The following FBP2 variants were observed in gnomAD, a reference collection of about 807,000 sequenced individuals.
FBP2 encodes fructose-bisphosphatase 2.
Under a neutral mutation model 31.6 loss-of-function variants are expected in FBP2, and 27 were observed. That is an observed-to-expected ratio of 0.85 (90% confidence interval 0.63 to 1.18). The LOEUF is 1.18. Ranked by LOEUF, FBP2 falls within the 50% of genes most tolerant of loss-of-function variation. The pLI, the probability that FBP2 is intolerant of heterozygous loss-of-function variation, is 0.00. For synonymous variants in FBP2, 168 were observed against 179.8 expected (o/e 0.93, Z 0.53); for missense variants, 421 against 436.1 (o/e 0.97, Z 0.31).
chr9:94,574,384 T>C (rs1827297521), intron 3 of FBP2, among the ~76,000 whole-genome samples: 1 of 152,172 alleles, frequency 6.6e-6, no homozygotes, highest in South Asian at 2.1e-4. Flanking sequence ...TGACATCTCT[T>C]TTGTTTTAAC....
chr9:94,587,888 G>T (rs111741744), intron 1 of FBP2, among the ~76,000 whole-genome samples: 1 of 151,422 alleles, frequency 6.6e-6, no homozygotes, highest in Non-Finnish European at 1.5e-5. Context: ...TTGCTCTGTC[G>T]CCCAGGCTGG....
rs1370887107 is a variant in FBP2 at position 94,584,676 on chromosome 9, C to G, written c.334-7G>C. On this transcript the variant is annotated splice_region_variant and splice_polypyrimidine_tract_variant and intron_variant, in intron 2 of 6. Transcript: ENST00000375337. ...AGCAGACCACGTATTTCCCCTAAAT[C>G]AGAGAGGAAAGCACCAACTGATCAG... 15 of 1,585,832 alleles carry G rather than the reference C, an allele frequency of 9.5e-6. No homozygotes were observed. Among genetic ancestry groups the G allele is most frequent in the Non-Finnish European group, 1.3e-5 (15 of 1,154,330 alleles).
chr9:94,564,043 C>G (rs1354002789), intron 5 of FBP2, among the ~76,000 whole-genome samples: 2 of 152,170 alleles, frequency 1.3e-5, no homozygotes, highest in Non-Finnish European at 2.9e-5. Flanking sequence ...ATAATAGTGG[C>G]AGACTTCAAC....
chr9:94,590,624 C>T (rs998958244), intron 1 of FBP2, among the ~76,000 whole-genome samples: 1 of 152,168 alleles, frequency 6.6e-6, no homozygotes, highest in African/African-American at 2.4e-5. Flanking sequence ...AGCTGCAGAT[C>T]TTCGCGGTGA....
chr9:94,563,444 A>T lies in FBP2; in HGVS notation c.723T>A (p.Tyr241Ter). ...KKFPEDGSAP[Y>*]GARYVGSMVA... ...CCATGGAGCCCACATACCTGGCCCC[A>T]TAGGGAGCACTGCCATCCTAGAAGA... The change falls in exon 6 of 7, where the codon TAT becomes TAA. Residue 241 changes from tyrosine (Y) to a stop codon, truncating the protein, a stop_gained. Transcript: ENST00000375337. LOFTEE classifies it high-confidence loss of function. 1 of 1,613,716 alleles carries T rather than the reference A, an allele frequency of 6.2e-7. No homozygotes were observed. Among genetic ancestry groups the T allele is most frequent in the Non-Finnish European group, 8.5e-7 (1 of 1,179,796 alleles).
At chr9:94,591,192 G>A (rs145876367) in intron 1 of FBP2, among the ~76,000 whole-genome samples, 4,509 of 152,366 alleles carry the variant, frequency 0.03, 200 homozygotes, top group African/African-American at 0.1. Flanking sequence ...TGTGGAGCGG[G>A]GGGTGGCGCT....
intron 1 of FBP2, among the ~76,000 whole-genome samples, chr9:94,590,649 A>G (rs898327057): frequency 6.6e-6 from 1 of 152,234 alleles, no homozygotes. Context: ...TACAGATCAT[A>G]AAAGCAGCGT....
chr9:94,571,992 A>G (rs3864790), intron 3 of FBP2, among the ~76,000 whole-genome samples: 12,005 of 152,146 alleles, frequency 0.079, 1,570 homozygotes, highest in African/African-American at 0.27. Flanking sequence ...TGGGGCAGAT[A>G]GCACCATCAC....
chr9:94,566,689 G>C (rs901128695), intron 5 of FBP2, among the ~76,000 whole-genome samples: 1 of 152,128 alleles, frequency 6.6e-6, no homozygotes, highest in Non-Finnish European at 1.5e-5. Flanking sequence ...GGTCTTGGCA[G>C]GGCACCCATT....
intron 1 of FBP2, among the ~76,000 whole-genome samples, chr9:94,590,544 C>G (rs632506): frequency 6.6e-6 from 1 of 151,956 alleles, no homozygotes; most frequent in Non-Finnish European, 1.5e-5. Context: ...TGTTACAGCT[C>G]TTAAGGTGGC....
chr9:94,579,372 T>C (rs1403829681), intron 3 of FBP2, among the ~76,000 whole-genome samples: 3 of 118,666 alleles, frequency 2.5e-5, no homozygotes, highest in African/African-American at 9.5e-5. Context: ...CACTCCAGCC[T>C]GGGCGACAGA....
At chr9:94,590,713 G>A (rs903386493) in intron 1 of FBP2, among the ~76,000 whole-genome samples, 1 of 152,216 alleles carries the variant, frequency 6.6e-6, no homozygotes, top group African/African-American at 2.4e-5. Context: ...TCCACAGTGT[G>A]GAAAGAGACC....
At chr9:94,584,813 C>T (rs1216066610) in intron 2 of FBP2, 144 bp from the exon 3 acceptor site, 2 of 636,888 alleles carry the variant, frequency 3.1e-6, no homozygotes, top group Non-Finnish European at 2.9e-6. Context: ...AACACCATGA[C>T]TTACGGAGGG....
Position 94,567,312 on chromosome 9 carries a change from A to C in FBP2, c.663T>G (p.Asp221Glu). ...TCTGCACATATTCAGTGGTGGCCGC[A>C]TCAAAATACTTGGCATAGCCCTCAT... Reference protein sequence around the residue: ...SLNEGYAKYFDAATTEYVQKK... With the variant: ...SLNEGYAKYFEAATTEYVQKK... Residue 221 changes from aspartate to glutamate, a missense_variant, in exon 5 of 7, where the codon GAT (aspartate) becomes GAG (glutamate). Coordinates refer to ENST00000375337, the MANE Select transcript of FBP2 (RefSeq NM_003837.4). 2 of 1,614,198 alleles carry C rather than the reference A, an allele frequency of 1.2e-6. No individual in the cohort carries two copies. The highest frequency in any genetic ancestry group is 2.2e-5 in the South Asian group (2 of 91,084).
intron 1 of FBP2, among the ~76,000 whole-genome samples, chr9:94,592,096 G>T (rs1827509981): frequency 6.6e-6 from 1 of 152,226 alleles, no homozygotes; most frequent in African/African-American, 2.4e-5. Context: ...GAGAGGCAAA[G>T]TCCCTGTCTA....
At chr9:94,571,298 A>G (rs1827265976) in intron 4 of FBP2, among the ~76,000 whole-genome samples, 164 bp downstream of exon 4, 2 of 152,128 alleles carry the variant, frequency 1.3e-5, no homozygotes, top group African/African-American at 2.4e-5. Context: ...GAGGCCCTTC[A>G]TGGTTTCTGA....
rs1310762093 is a variant in FBP2, at chr9:94,571,521, T to TACCGTGCA, written c.507_508insTGCACGGT (p.Ser170CysfsTer46). ...GTGGAGAGAGCCACCAGGGTTGCAC[T>TACCGTGCA]ACCGTACAGCGCATAACCTGCGGCC... is the stretch of plus-strand genomic sequence containing the variant. On this transcript the variant is annotated frameshift_variant, in exon 4 of 7. Coordinates refer to ENST00000375337, the MANE Select transcript of FBP2 (RefSeq NM_003837.4). LOFTEE classifies it high-confidence loss of function. The TACCGTGCA allele has an allele frequency of 6.2e-7, 1 of 1,613,888 alleles. No homozygotes were observed. The highest frequency in any genetic ancestry group is 2.2e-5 in the East Asian group (1 of 44,884).
intron 6 of FBP2, 26 bp from the exon 7 acceptor site, chr9:94,559,158 T>C: frequency 6.3e-7 from 1 of 1,597,336 alleles, no homozygotes; most frequent in South Asian, 1.1e-5. Context: ...GGCAGGTGAG[T>C]AAACTCTGCA....
intron 3 of FBP2, among the ~76,000 whole-genome samples, chr9:94,579,391 C>A (rs1405912870): frequency 1.0e-5 from 1 of 96,950 alleles, no homozygotes; most frequent in Non-Finnish European, 2.0e-5. Flanking sequence ...GAGTGAGACT[C>A]TGTCTCAAAA....
Sources: gnomAD v4.1 joint callset for allele counts (sites outside exome capture counted in the v4.1 genomes callset) on GRCh38, gnomAD v4.1.1 for gene constraint, MANE v1.5 for transcripts, NCBI Gene and HGNC (gene_info 2026-07-23, HGNC 2026-07-21) for gene names.